Variants in IL1RAPL2 observed in about 807,000 individuals in gnomAD.
IL1RAPL2 encodes X-linked interleukin-1 receptor accessory protein-like 2.
In IL1RAPL2, 3 loss-of-function variants were observed where a neutral mutation model predicts 44.1. That is an observed-to-expected ratio of 0.07 (90% CI 0.03 to 0.18). The LOEUF is 0.18. Ranked by LOEUF, IL1RAPL2 falls within the 10% of genes least tolerant of loss-of-function variation. The pLI, the probability that IL1RAPL2 is intolerant of heterozygous loss-of-function variation, is 1.00. For synonymous variants in IL1RAPL2, 181 were observed against 178.8 expected (o/e 1.01, Z -0.10); for missense variants, 391 against 496.4 (o/e 0.79, Z 2.02).
At chrX:105,466,764 C>T (rs1052532174) in intron 5 of IL1RAPL2, among the ~76,000 whole-genome samples, 7 of 111,102 alleles carry the variant, frequency 6.3e-5, no homozygotes, top group African/African-American at 1.3e-4. Context: ...TTGCTATAAC[C>T]GAATATCTGA....
intron 2 of IL1RAPL2, among the ~76,000 whole-genome samples, chrX:104,915,496 T>A (rs4437779): frequency 7.3e-4 from 81 of 111,180 alleles, no homozygotes; most frequent in Non-Finnish European, 1.3e-3. Context: ...ATTGCAAAAA[T>A]TTTTTTTCCC....
chrX:105,531,159 G>A (rs1224993285), intron 6 of IL1RAPL2, among the ~76,000 whole-genome samples: 5 of 111,208 alleles, frequency 4.5e-5, no homozygotes, highest in Non-Finnish European at 7.6e-5. Context: ...CCTAATTTAC[G>A]TTACCACCAA....
chrX:104,700,590 G>A (rs1931258635), intron 2 of IL1RAPL2, among the ~76,000 whole-genome samples: 2 of 111,889 alleles, frequency 1.8e-5, no homozygotes, highest in South Asian at 3.8e-4. Context: ...TTTCTAAAAG[G>A]CAGAGTGAAT....
chrX:104,756,873 G>A (rs1932348457), intron 2 of IL1RAPL2, among the ~76,000 whole-genome samples: 1 of 109,781 alleles, frequency 9.1e-6, no homozygotes, highest in Non-Finnish European at 1.9e-5. Context: ...CAAGTGCAAA[G>A]GCCCTGAGAC....
chrX:105,084,900 G>C (rs1015548503), intron 2 of IL1RAPL2, among the ~76,000 whole-genome samples: 4 of 111,583 alleles, frequency 3.6e-5, no homozygotes, highest in African/African-American at 1.3e-4. Context: ...CATGGAGGCA[G>C]TGTTCCCTAG....
At chrX:105,524,616 G>GT (rs886247888) in intron 6 of IL1RAPL2, among the ~76,000 whole-genome samples, 1 of 109,990 alleles carries the variant, frequency 9.1e-6, no homozygotes, top group Non-Finnish European at 1.9e-5. Context: ...CAGTGAAGAT[G>GT]TTTTTTTGAG....
chrX:105,094,294 T>G (rs1248174060), intron 2 of IL1RAPL2, among the ~76,000 whole-genome samples: 2 of 112,022 alleles, frequency 1.8e-5, no homozygotes. Context: ...TGCTTTCTTA[T>G]GCTCCACAGT....
At chrX:104,911,926 A>T (rs1924251106) in intron 2 of IL1RAPL2, among the ~76,000 whole-genome samples, 1 of 111,680 alleles carries the variant, frequency 9.0e-6, no homozygotes, top group African/African-American at 3.3e-5. Flanking sequence ...CTCCGTATTC[A>T]GGCCTTCACT....
intron 6 of IL1RAPL2, among the ~76,000 whole-genome samples, chrX:105,700,288 G>T (rs1181216107): frequency 9.0e-6 from 1 of 111,691 alleles, no homozygotes; most frequent in African/African-American, 3.2e-5. Context: ...GAAAAACTGA[G>T]GCAAAAGAGG....
intron 2 of IL1RAPL2, among the ~76,000 whole-genome samples, chrX:105,131,068 G>A (rs913390581): frequency 9.0e-6 from 1 of 111,107 alleles, no homozygotes; most frequent in African/African-American, 3.3e-5. Context: ...ATTTACACAG[G>A]GGATTAGTGG....
intron 3 of IL1RAPL2, among the ~76,000 whole-genome samples, chrX:105,206,275 A>C: frequency 9.0e-6 from 1 of 111,644 alleles, no homozygotes; most frequent in East Asian, 2.8e-4. Flanking sequence ...ATAATTTTTT[A>C]GCTTTTATTA....
At chrX:105,114,971 C>G (rs1029942579) in intron 2 of IL1RAPL2, among the ~76,000 whole-genome samples, 1 of 111,913 alleles carries the variant, frequency 8.9e-6, no homozygotes, top group Non-Finnish European at 1.9e-5. Flanking sequence ...GATAGAAGTT[C>G]AGATGGACAA....
chrX:104,882,971 G>A (rs1172214160), intron 2 of IL1RAPL2, among the ~76,000 whole-genome samples: 4 of 111,230 alleles, frequency 3.6e-5, no homozygotes, highest in Admixed American at 1.9e-4. Context: ...CTGGTCAAGC[G>A]AGATCAAGAA....
intron 3 of IL1RAPL2, among the ~76,000 whole-genome samples, chrX:105,208,560 A>G (rs2033783470): frequency 9.0e-6 from 1 of 111,217 alleles, no homozygotes; most frequent in Non-Finnish European, 1.9e-5. Context: ...ATCTATAAAT[A>G]TGAGACAGAG....
At chrX:105,035,226 G>T (rs5916852) in intron 2 of IL1RAPL2, among the ~76,000 whole-genome samples, 2 of 110,454 alleles carry the variant, frequency 1.8e-5, no homozygotes, top group Non-Finnish European at 3.8e-5. Flanking sequence ...TTCGGCTCAC[G>T]CACGGTGCAC....
intron 2 of IL1RAPL2, among the ~76,000 whole-genome samples, chrX:104,771,924 G>A (rs1932647108): frequency 8.9e-6 from 1 of 111,898 alleles, no homozygotes; most frequent in Non-Finnish European, 1.9e-5. Context: ...ACACAAAAAT[G>A]TTATGGACAC....
intron 2 of IL1RAPL2, among the ~76,000 whole-genome samples, chrX:104,884,998 TC>T (rs1176658014): frequency 9.0e-6 from 1 of 111,687 alleles, no homozygotes; most frequent in Non-Finnish European, 1.9e-5. Context: ...TGTCCCCTTC[TC>T]CCTCTCTGAT....
intron 2 of IL1RAPL2, among the ~76,000 whole-genome samples, chrX:104,675,987 G>A (rs1315268974): frequency 2.8e-5 from 3 of 106,091 alleles, no homozygotes; most frequent in Non-Finnish European, 5.9e-5. Flanking sequence ...TTGAGTCTAT[G>A]TGTGTCTCTG....
intron 6 of IL1RAPL2, among the ~76,000 whole-genome samples, chrX:105,572,189 C>T (rs1349166294): frequency 9.0e-6 from 1 of 111,433 alleles, no homozygotes; most frequent in Non-Finnish European, 1.9e-5. Context: ...CTGAATACCC[C>T]TCCATGCTCT....
Sources: allele counts gnomAD v4.1 joint callset (sites outside exome capture counted in the v4.1 genomes callset), GRCh38; gene constraint gnomAD v4.1.1; transcripts MANE v1.5; gene names NCBI Gene and HGNC (gene_info 2026-07-23, HGNC 2026-07-21).